The following CRB1 variants were observed in gnomAD, a reference collection of about 807,000 sequenced individuals.
The protein encoded by CRB1 is protein crumbs homolog 1.
In CRB1, 83 loss-of-function variants were observed where a neutral mutation model predicts 120.0. That is an observed-to-expected ratio of 0.69 (90% CI 0.58 to 0.83). The LOEUF (loss-of-function observed/expected upper bound fraction) is 0.83. CRB1 is among the 40% of genes least tolerant of loss of function. The pLI is 0.00. For missense variants in CRB1, 1,699 were observed against 1,687.6 expected (o/e 1.01, Z -0.12); for synonymous variants, 625 against 612.5 (o/e 1.02, Z -0.30).
At chr1:197,227,247 G>A in the CRB1 span, among the ~76,000 whole-genome samples, 1,081 of 152,180 alleles carry the variant, frequency 7.1e-3, 12 homozygotes, top group African/African-American at 0.024. Flanking sequence ...TCAAAAGCAA[G>A]CTAGTTACTT....
intron 11 of CRB1, among the ~76,000 whole-genome samples, chr1:197,456,088 T>C (rs535366395): frequency 3.3e-5 from 5 of 152,300 alleles, no homozygotes; most frequent in Non-Finnish European, 7.4e-5. Context: ...TCCCTTAACA[T>C]TTCTTTGATA....
chr1:197,459,498 C>T (rs1357389011), intron 11 of CRB1, among the ~76,000 whole-genome samples: 1 of 152,112 alleles, frequency 6.6e-6, no homozygotes, highest in African/African-American at 2.4e-5. Context: ...TAAATGGTCT[C>T]TTCTCTCTGT....
chr1:197,239,505 A>G, the CRB1 span, among the ~76,000 whole-genome samples: 3 of 152,078 alleles, frequency 2.0e-5, no homozygotes, highest in East Asian at 1.9e-4. Context: ...TATACCTACC[A>G]TTAATACTAG....
the CRB1 span, among the ~76,000 whole-genome samples, chr1:197,239,210 T>C: frequency 1.3e-5 from 2 of 152,300 alleles, no homozygotes; most frequent in Non-Finnish European, 2.9e-5. Flanking sequence ...GAGTGTTCTA[T>C]AGAAGTCAAT....
At chr1:197,465,696 G>T (rs1666721762) in intron 11 of CRB1, among the ~76,000 whole-genome samples, 1 of 152,132 alleles carries the variant, frequency 6.6e-6, no homozygotes, top group Admixed American at 6.5e-5. Flanking sequence ...GCAGTGAAAG[G>T]CTACCCATTA....
At chr1:197,331,734 A>G (rs1308492878) in intron 2 of CRB1, among the ~76,000 whole-genome samples, 1 of 152,238 alleles carries the variant, frequency 6.6e-6, no homozygotes, top group Admixed American at 6.5e-5. Context: ...TGTTTCATTC[A>G]TTTCAACTAT....
At chr1:197,397,473 T>C (rs947820115) in intron 5 of CRB1, among the ~76,000 whole-genome samples, 3 of 152,130 alleles carry the variant, frequency 2.0e-5, no homozygotes, top group Admixed American at 6.6e-5. Context: ...ATATTACCCA[T>C]GAGAATGAAA....
chr1:197,415,086 A>G (rs1041736406), intron 5 of CRB1, among the ~76,000 whole-genome samples: 1 of 152,222 alleles, frequency 6.6e-6, no homozygotes, highest in Non-Finnish European at 1.5e-5. Context: ...TTGACATTTT[A>G]TGAAAGATCA....
chr1:197,369,395 T>C (rs1661250459), intron 5 of CRB1, among the ~76,000 whole-genome samples: 1 of 151,940 alleles, frequency 6.6e-6, no homozygotes, highest in African/African-American at 2.4e-5. Context: ...CACCTAGAGC[T>C]TCACTTCAGT....
intron 9 of CRB1, chr1:197,437,967 A>G (rs577949806): frequency 3.9e-5 from 6 of 155,448 alleles, no homozygotes; most frequent in African/African-American, 1.4e-4. Context: ...TTGTTGCCAT[A>G]TCAGAGAGCC....
At chr1:197,454,810 A>T (rs1666198270) in intron 11 of CRB1, among the ~76,000 whole-genome samples, 1 of 152,174 alleles carries the variant, frequency 6.6e-6, no homozygotes, top group South Asian at 2.1e-4. Context: ...ACCGGTTTTT[A>T]AAATAATGCA....
chr1:197,430,895 T>A (rs1218473900), intron 8 of CRB1, among the ~76,000 whole-genome samples: 1 of 151,918 alleles, frequency 6.6e-6, no homozygotes, highest in Non-Finnish European at 1.5e-5. Context: ...AAGTACATTA[T>A]CAGCTTACTA....
chr1:197,202,667 T>A, the CRB1 span, among the ~76,000 whole-genome samples: 1 of 152,002 alleles, frequency 6.6e-6, no homozygotes, highest in African/African-American at 2.4e-5. Context: ...ATAGAAAAAA[T>A]TCTGATAAGA....
intron 5 of CRB1, among the ~76,000 whole-genome samples, chr1:197,360,930 C>T (rs1012099436): frequency 2.0e-5 from 3 of 152,298 alleles, no homozygotes; most frequent in Non-Finnish European, 4.4e-5. Context: ...TGAAGTAGTT[C>T]CTCTCTACTC....
At chr1:197,296,433 CT>C (rs138093826) in intron 1 of CRB1, among the ~76,000 whole-genome samples, 2,537 of 152,152 alleles carry the variant, frequency 0.017, 21 homozygotes, top group Non-Finnish European at 0.02. Flanking sequence ...TAAATTTCTA[CT>C]TGTGTTATCC....
chr1:197,359,066 T>C (rs1660638178), intron 5 of CRB1, among the ~76,000 whole-genome samples: 1 of 152,232 alleles, frequency 6.6e-6, no homozygotes, highest in Non-Finnish European at 1.5e-5. Flanking sequence ...AGTATATTTA[T>C]GTGCAGTTTT....
the CRB1 span, among the ~76,000 whole-genome samples, chr1:197,215,027 G>T: frequency 1.3e-5 from 2 of 152,110 alleles, no homozygotes; most frequent in Non-Finnish European, 2.9e-5. Flanking sequence ...ATGCAAGAAT[G>T]GCTCAACATA....
rs189330778 is a variant in CRB1, at chr1:197,291,755, A to G, written c.70+23273A>G. Among the ~76,000 whole-genome samples, 12 of 152,000 alleles carry G rather than the reference A, an allele frequency of 7.9e-5. No individual in the cohort carries two copies. In the East Asian group the frequency reaches 2.3e-3, roughly 30 times the overall value. On this transcript the variant is annotated intron_variant, in intron 1 of 11. Coordinates refer to ENST00000367400, the MANE Select transcript of CRB1 (RefSeq NM_201253.3). ...AATTTTAGATTGCATATATAATTAT[A>G]ATGCATTATATGTACATACATGTGT... is the stretch of plus-strand genomic sequence containing the variant.
intron 5 of CRB1, among the ~76,000 whole-genome samples, chr1:197,371,761 C>G (rs538866748): frequency 1.3e-5 from 2 of 152,202 alleles, no homozygotes; most frequent in Non-Finnish European, 2.9e-5. Flanking sequence ...AGATTTTTGT[C>G]GCAACTGATG....
Sources: gnomAD v4.1 joint callset for allele counts (sites outside exome capture counted in the v4.1 genomes callset) on GRCh38, gnomAD v4.1.1 for gene constraint, MANE v1.5 for transcripts, NCBI Gene and HGNC (gene_info 2026-07-23, HGNC 2026-07-21) for gene names.